Variants in ZNF248 observed in about 807,000 individuals in gnomAD.
The protein encoded by ZNF248 is zinc finger protein 248.
Under a neutral mutation model 44.3 loss-of-function variants are expected in ZNF248, and 20 were observed. The observed-to-expected ratio is 0.45, with a 90% CI of 0.32 to 0.66. ZNF248 has a LOEUF of 0.66. Ranked by LOEUF, ZNF248 falls within the 30% of genes least tolerant of loss-of-function variation. The pLI is 0.04. For missense variants in ZNF248, 654 were observed against 677.0 expected (o/e 0.97, Z 0.38); for synonymous variants, 224 against 229.0 (o/e 0.98, Z 0.20).
chr10:37,817,230 G>A (rs770123653), intron 6 of ZNF248, among the ~76,000 whole-genome samples: 10 of 152,122 alleles, frequency 6.6e-5, no homozygotes, highest in Non-Finnish European at 4.4e-5. Context: ...GGCACTGATT[G>A]TGGTTCAAAT....
chr10:37,850,860 CAA>C (rs953979447), intron 3 of ZNF248, among the ~76,000 whole-genome samples: 1 of 149,148 alleles, frequency 6.7e-6, no homozygotes, highest in East Asian at 2.0e-4. Flanking sequence ...AATTTTTAGA[CAA>C]AAAAAAAGAG....
the ZNF248 span, among the ~76,000 whole-genome samples, chr10:37,769,878 T>C: frequency 2.6e-5 from 4 of 152,186 alleles, no homozygotes; most frequent in South Asian, 2.1e-4. Context: ...AAAACCCCAT[T>C]GTCTCAGCCC....
intron 3 of ZNF248, among the ~76,000 whole-genome samples, chr10:37,850,555 T>C (rs200939): frequency 0.48 from 72,847 of 152,024 alleles, 17,804 homozygotes; most frequent in East Asian, 0.55. Context: ...ACTATATGGT[T>C]ACAGTCATCA....
intron 6 of ZNF248, among the ~76,000 whole-genome samples, chr10:37,814,676 G>A (rs1360503840): frequency 1.3e-5 from 2 of 152,240 alleles, no homozygotes; most frequent in South Asian, 4.1e-4. Flanking sequence ...TGACAGATTT[G>A]TTTTTCCCTT....
In ZNF248 at chr10:37,829,628, G is replaced by A; in HGVS notation, c.*1987C>T. The A allele has an allele frequency of 1.0e-6, 1 of 985,384 alleles. No homozygotes were observed. The highest frequency in any genetic ancestry group is 1.2e-6 in the Non-Finnish European group (1 of 829,936). The allele number at this position is 985,384 out of a possible 1,614,324, so 61.0% of individuals were successfully genotyped here. A position where few individuals can be genotyped will look rare whatever the true frequency, so the allele number is the denominator to read the frequency against. On this transcript the variant is annotated 3_prime_UTR_variant, in exon 6 of 6. Transcript: ENST00000395867. ...CAGGTATAGAGAGCAGAGTAGCTCG[G>A]CAACGTCACCTCTGAGCTGGCTTTT... is the stretch of plus-strand genomic sequence containing the variant.
At chr10:37,787,289 A>T (rs908088188) in intron 6 of ZNF248, among the ~76,000 whole-genome samples, 49 of 152,150 alleles carry the variant, frequency 3.2e-4, no homozygotes, top group Admixed American at 1.9e-3. Flanking sequence ...AAAACAAAAA[A>T]AATAATAATA....
chr10:37,768,942 C>A, the ZNF248 span, among the ~76,000 whole-genome samples: 1 of 152,110 alleles, frequency 6.6e-6, no homozygotes, highest in Non-Finnish European at 1.5e-5. Flanking sequence ...AAGGGGATAT[C>A]ACCACTGATC....
rs758533181 is a variant in ZNF248, at chr10:37,837,672, C to T, written c.183G>A (p.Glu61=). The T allele has an allele frequency of 1.4e-5, 23 of 1,613,990 alleles. 1 individual carries two copies. The Admixed American group carries it at 3.7e-4, about 26-fold the overall frequency. ...ITKPEVIFKI[E]QGEEPWILEK... ...CTAATATCCAGGGCTCTTCTCCTTG[C>T]TCGATCTTAAAGATCACTTCTGGTT... Residue 61 remains glutamate (E), a synonymous_variant, in exon 5 of 6, where the codon GAG becomes GAA. Transcript: ENST00000395867.
chr10:37,798,931 C>A (rs1229401421), intron 6 of ZNF248, among the ~76,000 whole-genome samples: 1 of 151,996 alleles, frequency 6.6e-6, no homozygotes, highest in Admixed American at 6.6e-5. Context: ...AAAAATAAAT[C>A]ATCACAGTTT....
chr10:37,786,279 C>A (rs2047863747), intron 6 of ZNF248, among the ~76,000 whole-genome samples: 1 of 152,134 alleles, frequency 6.6e-6, no homozygotes, highest in East Asian at 1.9e-4. Context: ...GTGAATTGTT[C>A]TATTTGGAAT....
intron 6 of ZNF248, among the ~76,000 whole-genome samples, chr10:37,801,706 T>G (rs59486180): frequency 0.24 from 36,109 of 152,124 alleles, 4,458 homozygotes; most frequent in East Asian, 0.4. Flanking sequence ...TCACAGAAGT[T>G]AGATTGGCAA....
At chr10:37,801,433 A>AC (rs1460659896) in intron 6 of ZNF248, among the ~76,000 whole-genome samples, 2 of 150,916 alleles carry the variant, frequency 1.3e-5, no homozygotes, top group African/African-American at 4.8e-5. Flanking sequence ...AAAATCAATT[A>AC]CAAAAAAATC....
At position 37,831,715 on chromosome 10, in the gene ZNF248, G is replaced by A. The variant is rs1347888469; in HGVS notation, c.1640C>T (p.Pro547Leu). ...KHQRTHTGEK[P>L]YECNACGKTF... ...CTTCCCACATGCATTACACTCATAC[G>A]GCTTCTCCCCTGTGTGAGTCCTCTG... Residue 547 changes from proline (P) to leucine (L), a missense_variant, in exon 6 of 6, where the codon CCG becomes CTG. Transcript: ENST00000395867. 9 of 1,613,752 alleles carry A rather than the reference G, an allele frequency of 5.6e-6. No homozygotes were observed. The highest frequency in any genetic ancestry group is 2.2e-5 in the East Asian group (1 of 44,882).
rs375322261 is a variant in ZNF248 at position 37,783,435 on chromosome 10, A to G, written c.331-6860T>C. The stretch of plus-strand genomic sequence containing the variant: ...ACTTTAAGAAGAAAATATAGGGGTG[A>G]ATCTTCATGATTTTAGATATGGCAG... On this transcript the variant is annotated intron_variant, in intron 6 of 6. Transcript: ENST00000615949. Among the ~76,000 whole-genome samples the G allele has an allele frequency of 4.5e-4, 68 of 152,324 alleles. No homozygotes were observed. In the South Asian group the frequency reaches 0.013, roughly 29 times the overall value.
chr10:37,829,746 G>C lies in ZNF248; in HGVS notation c.*1869C>G. On this transcript the variant is annotated 3_prime_UTR_variant, in exon 6 of 6. Transcript: ENST00000395867. Reference sequence around the variant, plus strand: ...GTTACAGACATGAAAAAGCCCAGCAGAGTCTCTTCTCATGTCATGACAATG... The same window carrying C: ...GTTACAGACATGAAAAAGCCCAGCACAGTCTCTTCTCATGTCATGACAATG... 1 of 985,258 alleles carries C rather than the reference G, an allele frequency of 1.0e-6. No individual in the cohort carries two copies. The highest frequency in any genetic ancestry group is 1.2e-6 in the Non-Finnish European group (1 of 829,930). 61.0% of individuals were successfully genotyped at this position (985,258 alleles called of 1,614,324 possible). A position where few individuals can be genotyped will look rare whatever the true frequency, so the allele number is the denominator to read the frequency against.
chr10:37,840,294 A>C (rs982339671), intron 3 of ZNF248, among the ~76,000 whole-genome samples: 2 of 152,232 alleles, frequency 1.3e-5, no homozygotes, highest in East Asian at 3.8e-4. Flanking sequence ...AAAAGGTGTT[A>C]GAAGCAGAAT....
At chr10:37,801,737 A>C (rs2049865377) in intron 6 of ZNF248, among the ~76,000 whole-genome samples, 1 of 152,202 alleles carries the variant, frequency 6.6e-6, no homozygotes, top group South Asian at 2.1e-4. Context: ...GTCTGACAAC[A>C]CCAAGTGTCA....
In ZNF248 at chr10:37,831,920, G is replaced by A; in HGVS notation, c.1435C>T (p.Leu479Phe). 6.2e-7 allele frequency: 1 copy of A among 1,613,984 alleles called. No homozygotes were observed. The highest frequency in any genetic ancestry group is 8.5e-7 in the Non-Finnish European group (1 of 1,179,914). Residue 479 changes from leucine (L) to phenylalanine (F), a missense_variant, in exon 6 of 6, where the codon CTC (leucine) becomes TTC (phenylalanine). Transcript: ENST00000395867. The part of the protein sequence containing the change: ...CGKSFCHRSA[L>F]TVHQRTHTGE... ...GTGTGTGTTCTCTGATGCACAGTGA[G>A]GGCTGATCTGTGGCAGAAGGATTTC...
chr10:37,772,000 C>T (rs1296897349), downstream of ZNF248, among the ~76,000 whole-genome samples: 11 of 152,196 alleles, frequency 7.2e-5, no homozygotes, highest in Admixed American at 6.5e-4. Context: ...GCTGCAGTGG[C>T]TCATACCTGT....
Sources: gnomAD v4.1 joint callset for allele counts (sites outside exome capture counted in the v4.1 genomes callset) on GRCh38, gnomAD v4.1.1 for gene constraint, MANE v1.5 for transcripts, NCBI Gene and HGNC (gene_info 2026-07-23, HGNC 2026-07-21) for gene names.